The following TTC39B variants were observed in gnomAD, a reference collection of about 807,000 sequenced individuals.
TTC39B encodes the protein tetratricopeptide repeat protein 39B.
In TTC39B, 92 loss-of-function variants were observed where a neutral mutation model predicts 96.6. That is an observed-to-expected ratio of 0.95 (90% CI 0.80 to 1.13). The LOEUF (loss-of-function observed/expected upper bound fraction) is 1.13, where lower values mean the gene tolerates loss of function less well. Ranked by LOEUF, TTC39B falls within the 50% of genes most tolerant of loss-of-function variation. The pLI is 0.00. For synonymous variants in TTC39B, 367 were observed against 299.4 expected, an observed-to-expected ratio of 1.23 and a Z score of -2.33; for missense variants, 955 against 809.3, an observed-to-expected ratio of 1.18 and a Z score of -2.18.
chr9:15,196,264 T>G (rs898022751), intron 8 of TTC39B, among the ~76,000 whole-genome samples: 1 of 152,258 alleles, frequency 6.6e-6, no homozygotes, highest in African/African-American at 2.4e-5. Context: ...GAAGTAATTT[T>G]GACCTTCAAG....
chr9:15,178,992 C>T (rs542993179), intron 17 of TTC39B, among the ~76,000 whole-genome samples: 1 of 152,282 alleles, frequency 6.6e-6, no homozygotes, highest in African/African-American at 2.4e-5. Context: ...TTCTGAAGTA[C>T]ATGAAAGGCA....
chr9:15,271,863 G>A (rs1823365957), intron 1 of TTC39B, among the ~76,000 whole-genome samples: 1 of 152,170 alleles, frequency 6.6e-6, no homozygotes, highest in African/African-American at 2.4e-5. Context: ...ATTTTGACAT[G>A]CTCATTTATA....
intron 4 of TTC39B, among the ~76,000 whole-genome samples, chr9:15,213,737 TTCTTA>T (rs1211483864): frequency 6.6e-6 from 1 of 152,192 alleles, no homozygotes; most frequent in Non-Finnish European, 1.5e-5. Context: ...AATAATAGTC[TTCTTA>T]TCTTAAATTT....
intron 1 of TTC39B, among the ~76,000 whole-genome samples, chr9:15,300,966 G>A (rs1055319412): frequency 3.4e-5 from 5 of 148,306 alleles, no homozygotes; most frequent in East Asian, 4.0e-4. Context: ...ATTCCTTAGC[G>A]TGACATTCAG....
intron 2 of TTC39B, chr9:15,250,168 G>A: frequency 8.4e-7 from 1 of 1,194,502 alleles, no homozygotes; most frequent in Non-Finnish European, 1.1e-6. Flanking sequence ...CAGAATTTAA[G>A]ACATGTCAGT....
At chr9:15,190,618 G>A in exon 11 of TTC39B, 1 of 1,614,194 alleles carries the variant, frequency 6.2e-7, no homozygotes, top group Middle Eastern at 1.6e-4. Context: ...CAGACCTCAT[G>A]CTCCTTCCTG....
intron 14 of TTC39B, 107 bp downstream of exon 14, chr9:15,187,864 T>G: frequency 4.2e-6 from 5 of 1,199,074 alleles, no homozygotes; most frequent in Non-Finnish European, 5.6e-6. Context: ...ATCTCTAAGT[T>G]GAGAAAACAC....
intron 2 of TTC39B, chr9:15,250,140 T>G: frequency 8.2e-7 from 1 of 1,225,926 alleles, no homozygotes; most frequent in Non-Finnish European, 1.0e-6. Flanking sequence ...GCTGACAGCA[T>G]CCCAGGGCTT....
intron 1 of TTC39B, among the ~76,000 whole-genome samples, chr9:15,276,928 T>C (rs10961949): frequency 0.19 from 29,545 of 152,208 alleles, 5,978 homozygotes; most frequent in African/African-American, 0.52. Context: ...ACTCAGGAGA[T>C]GGGGCTGGGA....
At position 15,306,006 on chromosome 9, in the gene TTC39B, T is replaced by G. The variant is rs1160648340; in HGVS notation, c.240+1078A>C. ...CAGAGGAGCTGTAGTTCAGTTTTTG[T>G]TTTTTGTTTATTTTACGGAGCACAT... is the stretch of plus-strand genomic sequence containing the variant. On this transcript the variant is annotated intron_variant, in intron 1 of 19. Transcript: ENST00000512701. This position sits in a 1 kb window ranked among gnomAD's most constrained non-coding sequence, Gnocchi z 5.1. Among the ~76,000 whole-genome samples the G allele has an allele frequency of 6.6e-6, 1 of 152,148 alleles. No individual in the cohort carries two copies. Among genetic ancestry groups the G allele is most frequent in the African/African-American group, 2.4e-5 (1 of 41,432 alleles).
At chr9:15,206,618 C>A (rs190702284) in intron 6 of TTC39B, among the ~76,000 whole-genome samples, 2 of 152,216 alleles carry the variant, frequency 1.3e-5, no homozygotes, top group South Asian at 2.1e-4. Context: ...GAGTAAATAT[C>A]TTCATGATGC....
exon 20 of TTC39B, chr9:15,166,982 T>TTTTTTTTATATA (rs1387664027): frequency 2.9e-3 from 58 of 20,278 alleles, no homozygotes; most frequent in South Asian, 5.9e-3. Flanking sequence ...AACCTTTATT[T>TTTTTTTTATATA]TATATATATA....
rs188241590 is a variant in TTC39B, at chr9:15,180,963, C to T, written c.1723+1344G>A. ...TCTGTCTGTCTGTCTCAGTATCCCC[C>T]GCCCTGCTTAAATATCTCTAAAGCC... is the stretch of plus-strand genomic sequence containing the variant. On this transcript the variant is annotated intron_variant, in intron 17 of 19. Transcript: ENST00000512701. 1.3e-3 allele frequency among the ~76,000 whole-genome samples: 202 copies of T among 152,296 alleles called. No individual in the cohort carries two copies. In the Middle Eastern group the frequency reaches 0.017, roughly 13 times the overall value.
chr9:15,174,978 G>C, intron 19 of TTC39B, 41 bp downstream of exon 19: 2 of 1,299,044 alleles, frequency 1.5e-6, no homozygotes, highest in Non-Finnish European at 1.1e-6. Flanking sequence ...TGACATTTCT[G>C]ACTCCATAAC....
intron 1 of TTC39B, among the ~76,000 whole-genome samples, chr9:15,273,173 G>T (rs925012220): frequency 6.6e-6 from 1 of 152,170 alleles, no homozygotes; most frequent in African/African-American, 2.4e-5. Context: ...TGACAAAAGT[G>T]TTTACATTAT....
chr9:15,247,567 C>G (rs948235365), intron 2 of TTC39B, among the ~76,000 whole-genome samples: 2 of 152,022 alleles, frequency 1.3e-5, no homozygotes, highest in African/African-American at 4.8e-5. Flanking sequence ...TTCAAGAAAC[C>G]CTTGATTTTT....
At chr9:15,255,398 G>C (rs984089632) in intron 2 of TTC39B, among the ~76,000 whole-genome samples, 1 of 151,992 alleles carries the variant, frequency 6.6e-6, no homozygotes, top group Non-Finnish European at 1.5e-5. Flanking sequence ...GACAAAAGGG[G>C]GAAAGAGGGA....
exon 10 of TTC39B, chr9:15,191,225 T>G (rs1162721773): frequency 3.1e-6 from 5 of 1,609,826 alleles, no homozygotes; most frequent in South Asian, 1.1e-5. Flanking sequence ...TCTAGTAGTC[T>G]GATAATCCTT....
chr9:15,169,712 C>T (rs549142370), exon 20 of TTC39B: 65 of 152,264 alleles, frequency 4.3e-4, no homozygotes, highest in African/African-American at 1.5e-3. Context: ...ACTGGATATA[C>T]TGTCCATAGT....
Sources: allele counts gnomAD v4.1 joint callset (sites outside exome capture counted in the v4.1 genomes callset), GRCh38; gene constraint gnomAD v4.1.1; non-coding constraint Gnocchi (gnomAD v3.1); transcripts MANE v1.5; gene names NCBI Gene and HGNC (gene_info 2026-07-23, HGNC 2026-07-21).